PDZRN4: variants seen among roughly 807,000 people sequenced by gnomAD.
The protein encoded by PDZRN4 is PDZ domain containing ring finger 4.
PDZRN4 carries 70 observed loss-of-function variants against 99.0 expected under a neutral mutation model. The observed-to-expected ratio is 0.71, with a 90% CI of 0.58 to 0.86. PDZRN4 has a LOEUF of 0.86. Ranked by LOEUF, PDZRN4 falls within the 40% of genes least tolerant of loss-of-function variation. PDZRN4 has a pLI of 0.00. For missense variants in PDZRN4, 1,474 were observed against 1,331.2 expected (o/e 1.11, Z -1.67); for synonymous variants, 551 against 501.6 (o/e 1.10, Z -1.32).
intron 3 of PDZRN4, among the ~76,000 whole-genome samples, chr12:41,270,414 T>A (rs1436497904): frequency 2.6e-5 from 4 of 151,816 alleles, no homozygotes; most frequent in Non-Finnish European, 5.9e-5. Flanking sequence ...AAATAAAGAT[T>A]AATGAATTTA....
chr12:41,522,396 CA>C (rs1437528476), intron 5 of PDZRN4, among the ~76,000 whole-genome samples: 3 of 152,062 alleles, frequency 2.0e-5, no homozygotes, highest in African/African-American at 2.4e-5. Context: ...CTAAGTCTCC[CA>C]AATGATGAGC....
At chr12:41,453,090 G>C (rs1388801341) in intron 3 of PDZRN4, among the ~76,000 whole-genome samples, 1 of 152,182 alleles carries the variant, frequency 6.6e-6, no homozygotes, top group Non-Finnish European at 1.5e-5. Context: ...CCAGGCAAAA[G>C]AGCCATGCCA....
intron 3 of PDZRN4, among the ~76,000 whole-genome samples, chr12:41,401,490 T>C (rs1026227131): frequency 6.6e-6 from 1 of 152,288 alleles, no homozygotes; most frequent in South Asian, 2.1e-4. Context: ...TTACTATCCA[T>C]TAATTATCGA....
chr12:41,322,167 G>A (rs1162154668), intron 3 of PDZRN4, among the ~76,000 whole-genome samples: 1 of 152,058 alleles, frequency 6.6e-6, no homozygotes, highest in Non-Finnish European at 1.5e-5. Context: ...AAGTAGCTGG[G>A]ACTACAGGAA....
At chr12:41,285,431 T>C (rs1390919476) in intron 3 of PDZRN4, among the ~76,000 whole-genome samples, 1 of 152,118 alleles carries the variant, frequency 6.6e-6, no homozygotes, top group Non-Finnish European at 1.5e-5. Context: ...TTCAACCATT[T>C]TGGAAGACAG....
intron 3 of PDZRN4, among the ~76,000 whole-genome samples, chr12:41,275,422 A>G (rs990468962): frequency 6.6e-6 from 1 of 152,122 alleles, no homozygotes. Context: ...CAAAAATTCA[A>G]TCTTTCAGTT....
intron 3 of PDZRN4, among the ~76,000 whole-genome samples, chr12:41,373,002 G>T (rs1344814373): frequency 6.6e-6 from 1 of 152,138 alleles, no homozygotes; most frequent in Non-Finnish European, 1.5e-5. Context: ...AAATTTTAAA[G>T]CTGGGTGTCC....
intron 3 of PDZRN4, among the ~76,000 whole-genome samples, chr12:41,368,755 C>T (rs1162434207): frequency 6.6e-6 from 1 of 152,030 alleles, no homozygotes; most frequent in East Asian, 1.9e-4. Flanking sequence ...AGATCTGTAT[C>T]GCTTCCATTA....
chr12:41,566,984 A>C (rs189527520), intron 8 of PDZRN4, among the ~76,000 whole-genome samples: 1 of 152,142 alleles, frequency 6.6e-6, no homozygotes, highest in African/African-American at 2.4e-5. Flanking sequence ...CCAGTTTTCC[A>C]CTTCACTTTG....
intron 4 of PDZRN4, 73 bp downstream of exon 4, chr12:41,506,785 C>A: frequency 6.7e-7 from 1 of 1,493,214 alleles, no homozygotes; most frequent in Non-Finnish European, 9.1e-7. Context: ...TGAAAAGAAG[C>A]AGTTCCACTA....
At chr12:41,284,047 T>G (rs1053709053) in intron 3 of PDZRN4, among the ~76,000 whole-genome samples, 2 of 152,266 alleles carry the variant, frequency 1.3e-5, no homozygotes, top group South Asian at 4.2e-4. Flanking sequence ...GGTCTTCAAA[T>G]AGGAAGAGAG....
chr12:41,468,414 T>C (rs988559648), intron 3 of PDZRN4, among the ~76,000 whole-genome samples: 3 of 152,226 alleles, frequency 2.0e-5, no homozygotes, highest in Non-Finnish European at 4.4e-5. Flanking sequence ...GCCCTCTGTA[T>C]ACCAAAGCCC....
intron 3 of PDZRN4, among the ~76,000 whole-genome samples, chr12:41,327,964 G>A (rs1592013890): frequency 1.3e-5 from 2 of 151,908 alleles, no homozygotes; most frequent in East Asian, 3.9e-4. Context: ...TTAATTTTTT[G>A]TTTATGCTGG....
intron 3 of PDZRN4, among the ~76,000 whole-genome samples, chr12:41,215,684 T>G (rs1468710188): frequency 6.6e-6 from 1 of 151,954 alleles, no homozygotes; most frequent in Non-Finnish European, 1.5e-5. Context: ...CCACTTGAAT[T>G]ATAACTTGCA....
chr12:41,534,509 T>C (rs113201853), intron 5 of PDZRN4, among the ~76,000 whole-genome samples: 2,143 of 152,238 alleles, frequency 0.014, 18 homozygotes, highest in Non-Finnish European at 0.021. Context: ...TGTGTTTTCA[T>C]TGTTCAGCTC....
intron 3 of PDZRN4, among the ~76,000 whole-genome samples, chr12:41,339,318 G>T (rs1407258159): frequency 6.6e-6 from 1 of 152,010 alleles, no homozygotes; most frequent in Admixed American, 6.6e-5. Context: ...AAGAACACAT[G>T]TTGGGGAAAG....
At chr12:41,340,529 C>T (rs895810844) in intron 3 of PDZRN4, among the ~76,000 whole-genome samples, 1 of 151,744 alleles carries the variant, frequency 6.6e-6, no homozygotes, top group African/African-American at 2.4e-5. Context: ...GATAGCACAG[C>T]AGGGTTACTA....
At chr12:41,558,480 C>G (rs1939207218) in intron 7 of PDZRN4, among the ~76,000 whole-genome samples, 1 of 152,138 alleles carries the variant, frequency 6.6e-6, no homozygotes. Flanking sequence ...AGGCTAGATA[C>G]ACAAATACAG....
intron 3 of PDZRN4, chr12:41,473,282 T>A (rs140519194): frequency 1.3e-5 from 2 of 152,040 alleles, no homozygotes; most frequent in African/African-American, 2.4e-5. Flanking sequence ...AAGGGGGAGA[T>A]GCAAGGATTC....
Sources: gnomAD v4.1 joint callset for allele counts (sites outside exome capture counted in the v4.1 genomes callset) on GRCh38, gnomAD v4.1.1 for gene constraint, MANE v1.5 for transcripts, NCBI Gene and HGNC (gene_info 2026-07-23, HGNC 2026-07-21) for gene names.